KIAA1217: variants seen among roughly 807,000 people sequenced by gnomAD.
KIAA1217 encodes sickle tail protein homolog.
KIAA1217 carries 88 observed loss-of-function variants against 163.9 expected under a neutral mutation model. The observed-to-expected ratio is 0.54, with a 90% CI of 0.45 to 0.64. KIAA1217 has a LOEUF of 0.64. Ranked by LOEUF, KIAA1217 falls within the 30% of genes least tolerant of loss-of-function variation. The probability of loss-of-function intolerance (pLI) is 0.00; values close to 1 mark genes in which losing one functional copy is unlikely to be tolerated. For synonymous variants in KIAA1217, 903 were observed against 923.1 expected (o/e 0.98, Z 0.39); for missense variants, 2,372 against 2,475.0 (o/e 0.96, Z 0.88).
intron 2 of KIAA1217, among the ~76,000 whole-genome samples, chr10:24,305,462 A>G (rs2041904619): frequency 6.6e-6 from 1 of 152,124 alleles, no homozygotes; most frequent in South Asian, 2.1e-4. Flanking sequence ...TACATTGAAT[A>G]TTGCATTGTT....
At chr10:24,423,058 C>T (rs1194732179) in intron 3 of KIAA1217, among the ~76,000 whole-genome samples, 2 of 151,804 alleles carry the variant, frequency 1.3e-5, no homozygotes, top group Non-Finnish European at 2.9e-5. Context: ...GCACCCACCA[C>T]CACACCCAGC....
At position 24,546,041 on chromosome 10, in the gene KIAA1217, C is replaced by A; in HGVS notation, c.5549C>A (p.Ser1850Tyr). The A allele has an allele frequency of 6.2e-7, 1 of 1,614,240 alleles. No individual in the cohort carries two copies. Among genetic ancestry groups the A allele is most frequent in the South Asian group, 1.1e-5 (1 of 91,088 alleles). ...LSPQTGPPAH[S>Y]ASLIPSVSNG... ...CCCCAAACAGGACCACCTGCTCACTCTGCCTCCCTCATCCCTTCTGTCTCT... is the reference window on the plus strand; with the variant it reads ...CCCCAAACAGGACCACCTGCTCACTATGCCTCCCTCATCCCTTCTGTCTCT... The change falls in exon 21 of 21, where the codon TCT becomes TAT. Residue 1850 changes from serine (S) to tyrosine (Y), a missense_variant. Coordinates refer to ENST00000376454, the MANE Select transcript of KIAA1217 (RefSeq NM_019590.5).
At chr10:23,962,292 T>C (rs569752680) in intron 1 of KIAA1217, among the ~76,000 whole-genome samples, 4 of 152,278 alleles carry the variant, frequency 2.6e-5, no homozygotes, top group African/African-American at 9.6e-5. Flanking sequence ...TCCACATCTA[T>C]AAAATAGGGG....
rs112407642 is a variant in KIAA1217, at chr10:24,386,756, T to A, written c.553+5689T>A. On this transcript the variant is annotated intron_variant, in intron 3 of 20. Transcript: ENST00000376454. ...GCCCAGCTAATTTTTCTGTTTTTAT[T>A]TTTTTTTAGAAATGGGGTCTTGCTG... is the stretch of plus-strand genomic sequence containing the variant. Among the ~76,000 whole-genome samples the A allele has an allele frequency of 1.9e-3, 294 of 151,696 alleles. 1 individual carries two copies. The highest frequency in any genetic ancestry group is 6.7e-3 in the African/African-American group (277 of 41,364).
At chr10:24,439,035 C>T (rs772461836) in intron 5 of KIAA1217, among the ~76,000 whole-genome samples, 4 of 152,078 alleles carry the variant, frequency 2.6e-5, no homozygotes, top group Non-Finnish European at 2.9e-5. Flanking sequence ...TACAAAAATC[C>T]GCATGATTTG....
At chr10:23,793,628 G>A (rs557569466) in intron 1 of KIAA1217, among the ~76,000 whole-genome samples, 1 of 152,306 alleles carries the variant, frequency 6.6e-6, no homozygotes, top group South Asian at 2.1e-4. Context: ...TCCGCTGCCT[G>A]AAACACACTG....
intron 2 of KIAA1217, among the ~76,000 whole-genome samples, chr10:24,249,725 A>C (rs756618007): frequency 1.3e-5 from 2 of 152,172 alleles, no homozygotes; most frequent in African/African-American, 2.4e-5. Context: ...ACATTATTTC[A>C]AATATAGTTC....
At chr10:24,104,678 A>G (rs911340827) in intron 2 of KIAA1217, among the ~76,000 whole-genome samples, 4 of 152,214 alleles carry the variant, frequency 2.6e-5, no homozygotes, top group East Asian at 3.9e-4. Flanking sequence ...TGAAGTGCCA[A>G]TGTAAACTCG....
At position 24,275,744 on chromosome 10, in the gene KIAA1217, G is replaced by C. The variant is rs763717489; in HGVS notation, c.354+55835G>C. 2.3e-5 allele frequency: 12 copies of C among 533,042 alleles called. No individual in the cohort carries two copies. In the Admixed American group the frequency reaches 2.3e-4, roughly 10 times the overall value. 33.0% of individuals were successfully genotyped at this position (533,042 alleles called of 1,614,324 possible). A position where few individuals can be genotyped will look rare whatever the true frequency, so the allele number is the denominator to read the frequency against. ...CAGTGCTTCCCATTTAAAAGTAATG[G>C]CACACACTGCAATTACTTTTGCTCC... On this transcript the variant is annotated intron_variant, in intron 2 of 20. Coordinates refer to ENST00000376454, the MANE Select transcript of KIAA1217 (RefSeq NM_019590.5).
chr10:24,301,461 G>T (rs1038034636), intron 2 of KIAA1217, among the ~76,000 whole-genome samples: 4 of 152,058 alleles, frequency 2.6e-5, no homozygotes, highest in Non-Finnish European at 5.9e-5. Context: ...AAATTTAATT[G>T]CAGCCTTCAT....
intron 7 of KIAA1217, 59 bp from the exon 8 acceptor site, chr10:24,495,084 TTAAA>T: frequency 2.7e-6 from 3 of 1,095,906 alleles, no homozygotes; most frequent in Non-Finnish European, 3.9e-6. Context: ...GGAATGGGCT[TTAAA>T]AAAAAAAAAA....
At chr10:23,758,747 C>T (rs1046893000) in intron 1 of KIAA1217, among the ~76,000 whole-genome samples, 5 of 136,912 alleles carry the variant, frequency 3.7e-5, no homozygotes, top group Admixed American at 8.1e-5. Context: ...AGTGTAATGG[C>T]GTGATCTTGG....
intron 2 of KIAA1217, among the ~76,000 whole-genome samples, chr10:24,111,125 G>A (rs2062828055): frequency 6.6e-6 from 1 of 152,092 alleles, no homozygotes; most frequent in Admixed American, 6.6e-5. Flanking sequence ...TATACATTAT[G>A]GGAACATAAA....
At chr10:24,033,019 G>A (rs1465013048) in intron 2 of KIAA1217, among the ~76,000 whole-genome samples, 1 of 152,164 alleles carries the variant, frequency 6.6e-6, no homozygotes, top group East Asian at 1.9e-4. Context: ...GTTCAGATAA[G>A]TCGTTCAGCC....
chr10:23,856,119 G>T (rs190604487), intron 1 of KIAA1217, among the ~76,000 whole-genome samples: 2,709 of 152,288 alleles, frequency 0.018, 78 homozygotes, highest in African/African-American at 0.06. Context: ...TTTCTGCTCT[G>T]TTTTTTCCCC....
In KIAA1217 at chr10:23,725,449, C is replaced by A. The variant is rs186718718; in HGVS notation, c.-321+30215C>A. 2.4e-4 allele frequency among the ~76,000 whole-genome samples: 36 copies of A among 152,278 alleles called. No homozygotes were observed. The East Asian group carries it at 6.8e-3, about 29-fold the overall frequency. On this transcript the variant is annotated intron_variant, in intron 1 of 18. Coordinates refer to the KIAA1217 transcript ENST00000376462. ...TGACCTATGTCTTGAATTATACTTC[C>A]CCCATCCTTTACAGGCTGTGATGTG... is the stretch of plus-strand genomic sequence containing the variant.
chr10:23,987,355 C>T lies in KIAA1217; in HGVS notation c.-320-19870C>T, dbSNP rs1275998925. The stretch of plus-strand genomic sequence containing the variant: ...TTGCAACACCGCACTCCAGCCTGGG[C>T]GACACAGCGAGACTCCATCTCAAAA... On this transcript the variant is annotated intron_variant, in intron 1 of 18. Transcript: ENST00000376462. Among the ~76,000 whole-genome samples, 34 of 131,508 alleles carry T rather than the reference C, an allele frequency of 2.6e-4. No individual in the cohort carries two copies. The South Asian group carries it at 7.5e-3, about 29-fold the overall frequency. 86.3% of individuals were successfully genotyped at this position (131,508 alleles called of 152,430 possible). A position where few individuals can be genotyped will look rare whatever the true frequency, so the allele number is the denominator to read the frequency against.
At chr10:24,498,972 A>T (rs989522022) in intron 8 of KIAA1217, among the ~76,000 whole-genome samples, 6 of 152,228 alleles carry the variant, frequency 3.9e-5, no homozygotes, top group Non-Finnish European at 8.8e-5. Flanking sequence ...AGAAAGAGGT[A>T]TAGAAAGAAT....
intron 1 of KIAA1217, among the ~76,000 whole-genome samples, chr10:23,875,405 G>C (rs919553794): frequency 9.2e-5 from 14 of 152,050 alleles, no homozygotes; most frequent in African/African-American, 3.1e-4. Flanking sequence ...GGCTGGTTGT[G>C]TTCCAGGATA....
Sources: gnomAD v4.1 joint callset for allele counts (sites outside exome capture counted in the v4.1 genomes callset) on GRCh38, gnomAD v4.1.1 for gene constraint, MANE v1.5 for transcripts, NCBI Gene and HGNC (gene_info 2026-07-23, HGNC 2026-07-21) for gene names.